FAM227B: variants seen among roughly 807,000 people sequenced by gnomAD.
FAM227B encodes family with sequence similarity 227 member B, also known as protein FAM227B.
In FAM227B, 88 loss-of-function variants were observed where a neutral mutation model predicts 73.8. The observed-to-expected ratio is 1.19, with a 90% CI of 1.00 to 1.42. FAM227B has a LOEUF of 1.42. Among genes scored for constraint, FAM227B ranks in the 40% most tolerant of loss-of-function variants. FAM227B has a pLI of 0.00. For missense variants in FAM227B, 632 were observed against 590.9 expected, an observed-to-expected ratio of 1.07 and a Z score of -0.72; for synonymous variants, 210 against 190.5, an observed-to-expected ratio of 1.10 and a Z score of -0.84.
chr15:49,354,295 C>T (rs539459320), intron 13 of FAM227B, among the ~76,000 whole-genome samples: 63 of 152,314 alleles, frequency 4.1e-4, no homozygotes, highest in African/African-American at 1.4e-3. Context: ...GCGTGAGCGA[C>T]GCAGAAGACG....
At chr15:49,593,809 C>T (rs1266265845) in intron 3 of FAM227B, among the ~76,000 whole-genome samples, 2 of 152,118 alleles carry the variant, frequency 1.3e-5, no homozygotes, top group Non-Finnish European at 2.9e-5. Context: ...GGTATATGTA[C>T]ACCACATTTT....
chr15:49,592,169 T>C (rs182055200), intron 3 of FAM227B, among the ~76,000 whole-genome samples: 1 of 152,326 alleles, frequency 6.6e-6, no homozygotes, highest in East Asian at 1.9e-4. Context: ...CCTACTTCTG[T>C]CAACTCATCA....
intron 13 of FAM227B, among the ~76,000 whole-genome samples, chr15:49,348,577 A>C (rs7180903): frequency 6.6e-6 from 1 of 152,224 alleles, no homozygotes; most frequent in African/African-American, 2.4e-5. Flanking sequence ...ACTCGGAGCC[A>C]GAGGCTGGAA....
chr15:49,391,073 A>C (rs1036142593), intron 11 of FAM227B, among the ~76,000 whole-genome samples: 1 of 152,126 alleles, frequency 6.6e-6, no homozygotes, highest in African/African-American at 2.4e-5. Flanking sequence ...AAAAGTGAGG[A>C]GTTTCAAAAA....
At chr15:49,371,172 A>G (rs1377639667) in intron 12 of FAM227B, 130 bp downstream of exon 12, 5 of 470,624 alleles carry the variant, frequency 1.1e-5, no homozygotes, top group African/African-American at 2.0e-5. Flanking sequence ...TCTTTTGACC[A>G]TTAAATTCTT....
At chr15:49,599,722 C>T (rs2077076472) in intron 3 of FAM227B, among the ~76,000 whole-genome samples, 1 of 152,054 alleles carries the variant, frequency 6.6e-6, no homozygotes, top group Non-Finnish European at 1.5e-5. Flanking sequence ...ATTTCCAGTT[C>T]TCCTCCTATT....
rs1305150354 is a variant in FAM227B, at chr15:49,371,366, T to C, written c.1046A>G (p.Asn349Ser). The change falls in exon 12 of 16, where the codon AAC (asparagine) becomes AGC (serine). Residue 349 changes from asparagine to serine, a missense_variant. Transcript: ENST00000299338. ...TATGGGCAACGTATATGCTCTTGGG[T>C]TGTTCAGAATCTTTATAATATTGAA... The part of the protein sequence containing the change: ...IDFNIIKILN[N>S]PRAYTLPISK... 2 of 1,592,052 alleles carry C rather than the reference T, an allele frequency of 1.3e-6. No homozygotes were observed. The highest frequency in any genetic ancestry group is 1.1e-5 in the South Asian group (1 of 88,138).
intron 9 of FAM227B, among the ~76,000 whole-genome samples, chr15:49,550,505 A>C (rs2072800423): frequency 6.7e-6 from 1 of 148,256 alleles, no homozygotes; most frequent in African/African-American, 2.5e-5. Context: ...TGCCAGGCGG[A>C]GGGGCTCCTC....
intron 10 of FAM227B, among the ~76,000 whole-genome samples, chr15:49,532,637 C>T (rs528903497): frequency 6.6e-6 from 1 of 151,264 alleles, no homozygotes; most frequent in South Asian, 2.1e-4. Context: ...AGAGCATTTA[C>T]AGAATTTTTC....
chr15:49,453,394 G>A (rs927051447), intron 11 of FAM227B, among the ~76,000 whole-genome samples: 7 of 152,076 alleles, frequency 4.6e-5, no homozygotes, highest in African/African-American at 7.2e-5. Flanking sequence ...ATGCGCCACC[G>A]TGCCTGGCCC....
intron 2 of FAM227B, among the ~76,000 whole-genome samples, chr15:49,611,584 T>C (rs57224380): frequency 0.031 from 4,683 of 152,296 alleles, 264 homozygotes; most frequent in African/African-American, 0.11. Flanking sequence ...TTTTGGGCTA[T>C]CATGGATAGC....
intron 3 of FAM227B, among the ~76,000 whole-genome samples, chr15:49,601,192 C>T (rs892267282): frequency 6.7e-6 from 1 of 149,942 alleles, no homozygotes; most frequent in Non-Finnish European, 1.5e-5. Context: ...ATAGTAACTT[C>T]ATTCTCTTCT....
chr15:49,458,749 G>A (rs1390290595), intron 11 of FAM227B, among the ~76,000 whole-genome samples: 2 of 152,000 alleles, frequency 1.3e-5, no homozygotes, highest in African/African-American at 2.4e-5. Flanking sequence ...GGATATTTCT[G>A]AAGTTCCTAA....
intron 1 of FAM227B, among the ~76,000 whole-genome samples, chr15:49,618,973 A>G (rs1277653857): frequency 6.6e-6 from 1 of 152,172 alleles, no homozygotes; most frequent in African/African-American, 2.4e-5. Context: ...CCTTGGGACT[A>G]AATTCTGGCC....
intron 11 of FAM227B, among the ~76,000 whole-genome samples, chr15:49,479,907 C>T (rs1266006019): frequency 2.6e-5 from 4 of 152,174 alleles, no homozygotes; most frequent in African/African-American, 9.7e-5. Context: ...AGCCACTGCG[C>T]TCCGCCCATA....
Position 49,542,821 on chromosome 15 carries a change from G to T in FAM227B, c.748-1015C>A, listed in dbSNP as rs1335248131. Among the ~76,000 whole-genome samples, 4 of 151,618 alleles carry T rather than the reference G, an allele frequency of 2.6e-5. No individual in the cohort carries two copies. The East Asian group carries it at 7.7e-4, about 29-fold the overall frequency. ...TTTCTTATATAGGTAAATTACATGT[G>T]AAGGAGGTTTGTGAACAGATTATTT... On this transcript the variant is annotated intron_variant, in intron 9 of 15. Transcript: ENST00000299338.
At chr15:49,459,469 TAA>T (rs908425394) in intron 11 of FAM227B, among the ~76,000 whole-genome samples, 11 of 151,582 alleles carry the variant, frequency 7.3e-5, no homozygotes, top group East Asian at 1.9e-4. Flanking sequence ...TTTTGAGATA[TAA>T]GAGTGAAAAG....
intron 11 of FAM227B, 114 bp downstream of exon 11, chr15:49,508,097 G>T: frequency 9.3e-7 from 1 of 1,071,204 alleles, no homozygotes. Context: ...TAAATCAAAT[G>T]TTATTTTAAG....
intron 11 of FAM227B, among the ~76,000 whole-genome samples, chr15:49,505,719 A>T (rs2058530161): frequency 6.6e-6 from 1 of 152,054 alleles, no homozygotes; most frequent in African/African-American, 2.4e-5. Context: ...TAACCAAAAG[A>T]AGACAGGGAA....
Sources: allele counts gnomAD v4.1 joint callset (sites outside exome capture counted in the v4.1 genomes callset), GRCh38; gene constraint gnomAD v4.1.1; transcripts MANE v1.5; gene names NCBI Gene and HGNC (gene_info 2026-07-23, HGNC 2026-07-21).